The following TAF2 variants were observed in gnomAD, a reference collection of about 807,000 sequenced individuals.
TAF2 encodes transcription initiation factor TFIID subunit 2.
A neutral mutation model predicts 138.5 loss-of-function variants in TAF2; 61 were observed. The observed-to-expected ratio is 0.44, with a 90% CI of 0.36 to 0.54. TAF2 has a LOEUF of 0.54. TAF2 is among the 20% of genes least tolerant of loss of function. The pLI is 0.00. For missense variants in TAF2, 1,090 were observed against 1,427.9 expected (o/e 0.76, Z 3.81); for synonymous variants, 475 against 469.9 (o/e 1.01, Z -0.14).
At chr8:119,745,475 AGTAT>A (rs1428823637) in intron 23 of TAF2, among the ~76,000 whole-genome samples, 1 of 152,140 alleles carries the variant, frequency 6.6e-6, no homozygotes, top group East Asian at 1.9e-4. Flanking sequence ...ACAACAAATA[AGTAT>A]GATGATACTT....
In TAF2 at chr8:119,795,627, C is replaced by A. The variant is rs997756636; in HGVS notation, c.1096G>T (p.Asp366Tyr). The A allele has an allele frequency of 6.2e-7, 1 of 1,613,476 alleles. No homozygotes were observed. The highest frequency in any genetic ancestry group is 8.5e-7 in the Non-Finnish European group (1 of 1,179,692). Residue 366 changes from aspartate (D) to tyrosine (Y), a missense_variant, in exon 9 of 26, where the codon GAT (aspartate) becomes TAT (tyrosine). Physicochemically the swap from Asp to Tyr is radical, Grantham distance 160. Coordinates refer to ENST00000378164, the MANE Select transcript of TAF2 (RefSeq NM_003184.4). ...GCFISRMSWS[D>Y]EWVLKGISGY... Reference sequence around the variant, plus strand: ...GAAATTCCCTTCAGCACCCATTCATCAGACCTAAGCAAAAAGTCAAAGCAT... The same window carrying A: ...GAAATTCCCTTCAGCACCCATTCATAAGACCTAAGCAAAAAGTCAAAGCAT...
intron 25 of TAF2, among the ~76,000 whole-genome samples, chr8:119,734,587 C>A (rs1234379919): frequency 6.6e-6 from 1 of 152,130 alleles, no homozygotes; most frequent in Non-Finnish European, 1.5e-5. Context: ...ATGCTATTCC[C>A]TATGCTTGGG....
At chr8:119,806,754 C>CA (rs1222636079) in intron 3 of TAF2, among the ~76,000 whole-genome samples, 2 of 152,144 alleles carry the variant, frequency 1.3e-5, no homozygotes, top group Non-Finnish European at 2.9e-5. Context: ...AGGCATGAGC[C>CA]ACCATGCCTG....
intron 2 of TAF2, among the ~76,000 whole-genome samples, chr8:119,823,681 G>A (rs75864846): frequency 1.1e-3 from 165 of 152,310 alleles, no homozygotes; most frequent in African/African-American, 3.8e-3. Context: ...ACAGAGTGGG[G>A]TGCTGATAAA....
chr8:119,786,457 G>A (rs1050840684), intron 14 of TAF2, among the ~76,000 whole-genome samples: 1 of 151,910 alleles, frequency 6.6e-6, no homozygotes, highest in African/African-American at 2.4e-5. Context: ...TTTCATTCTA[G>A]CTCCTCGGCC....
chr8:119,832,589 T>G lies in TAF2; in HGVS notation c.-25A>C, dbSNP rs754332881. 3 of 1,609,250 alleles carry G rather than the reference T, an allele frequency of 1.9e-6. No individual in the cohort carries two copies. The South Asian group carries it at 3.3e-5, about 18-fold the overall frequency. ...TGAAGCGGTCCCGCGGAGCTTGGCT[T>G]CCCGGCTTCCTAGGGGGATACGGGG... On this transcript the variant is annotated 5_prime_UTR_variant, in exon 1 of 26. Transcript: ENST00000378164.
intron 22 of TAF2, among the ~76,000 whole-genome samples, chr8:119,749,375 T>G (rs766362966): frequency 6.6e-5 from 10 of 152,126 alleles, no homozygotes; most frequent in South Asian, 2.1e-4. Context: ...AAAAATGAAC[T>G]TACATATTAA....
In TAF2 at chr8:119,794,747, A is replaced by C. The variant is rs920702187; in HGVS notation, c.1191+785T>G. 4.6e-5 allele frequency among the ~76,000 whole-genome samples: 7 copies of C among 152,302 alleles called. No individual in the cohort carries two copies. In the South Asian group the frequency reaches 8.3e-4, roughly 18 times the overall value. On this transcript the variant is annotated intron_variant, in intron 9 of 25. Transcript: ENST00000378164. The stretch of plus-strand genomic sequence containing the variant: ...TTCTTCTTTAATAGTTTCTGAAATA[A>C]AGAAGAGACTCCAGTTCTAGATGTA...
intron 23 of TAF2, chr8:119,745,026 T>C: frequency 2.2e-6 from 1 of 456,166 alleles, no homozygotes; most frequent in Non-Finnish European, 4.4e-6. Context: ...CTTGGCAAGG[T>C]GATCATCTTC....
intron 4 of TAF2, among the ~76,000 whole-genome samples, chr8:119,805,666 T>C (rs552876325): frequency 7.9e-5 from 12 of 151,694 alleles, no homozygotes; most frequent in African/African-American, 2.4e-4. Context: ...GATTGCGCCA[T>C]TGCACTCCAC....
At chr8:119,753,965 A>G (rs986830327) in intron 22 of TAF2, among the ~76,000 whole-genome samples, 19 of 152,172 alleles carry the variant, frequency 1.2e-4, no homozygotes, top group Admixed American at 6.5e-5. Flanking sequence ...AGAAATAATA[A>G]TATCTTTTAA....
At chr8:119,794,596 C>G (rs1408455274) in intron 9 of TAF2, among the ~76,000 whole-genome samples, 5 of 152,096 alleles carry the variant, frequency 3.3e-5, no homozygotes, top group Non-Finnish European at 5.9e-5. Flanking sequence ...TCTTTCTGTT[C>G]CTCAGTTTCT....
At chr8:119,800,231 C>T (rs1433059872) in intron 6 of TAF2, among the ~76,000 whole-genome samples, 7 of 152,084 alleles carry the variant, frequency 4.6e-5, no homozygotes, top group East Asian at 1.9e-4. Flanking sequence ...GCCTATGTCC[C>T]GAATGGTATT....
At chr8:119,759,799 G>GC (rs1820938418) in intron 20 of TAF2, among the ~76,000 whole-genome samples, 1 of 152,014 alleles carries the variant, frequency 6.6e-6, no homozygotes. Context: ...GGCTACATGA[G>GC]CAACAACTTT....
chr8:119,803,295 T>C (rs569770078), intron 5 of TAF2, among the ~76,000 whole-genome samples: 1 of 152,326 alleles, frequency 6.6e-6, no homozygotes, highest in African/African-American at 2.4e-5. Flanking sequence ...TTTCTGTATG[T>C]ATGTTTTACT....
At chr8:119,780,135 C>T (rs1361714107) in intron 17 of TAF2, among the ~76,000 whole-genome samples, 3 of 105,160 alleles carry the variant, frequency 2.9e-5, no homozygotes, top group African/African-American at 1.2e-4. Context: ...TCTAGTTAAT[C>T]TGATCTCTGC....
chr8:119,755,901 T>C, intron 22 of TAF2, 105 bp downstream of exon 22: 1 of 897,888 alleles, frequency 1.1e-6, no homozygotes, highest in Non-Finnish European at 1.7e-6. Context: ...AAAAAAAAAA[T>C]CTCAACTTTT....
intron 14 of TAF2, among the ~76,000 whole-genome samples, chr8:119,786,782 C>T (rs1012378205): frequency 1.6e-4 from 25 of 152,032 alleles, no homozygotes; most frequent in Admixed American, 4.6e-4. Flanking sequence ...AGTAGCGGGG[C>T]GTGGTGGCAG....
chr8:119,801,079 G>A (rs922699812), intron 6 of TAF2, among the ~76,000 whole-genome samples: 5 of 152,144 alleles, frequency 3.3e-5, no homozygotes, highest in Admixed American at 1.3e-4. Context: ...GTTTTCCTCT[G>A]TATAGGTTGA....
Sources: allele counts gnomAD v4.1 joint callset (sites outside exome capture counted in the v4.1 genomes callset), GRCh38; gene constraint gnomAD v4.1.1; transcripts MANE v1.5; gene names NCBI Gene and HGNC (gene_info 2026-07-23, HGNC 2026-07-21).